IRX2: variants seen among roughly 807,000 people sequenced by gnomAD.
IRX2 encodes iroquois homeobox 2.
A neutral mutation model predicts 42.9 loss-of-function variants in IRX2; 26 were observed. The observed-to-expected ratio is 0.61, with a 90% CI of 0.44 to 0.84. IRX2 has a LOEUF of 0.84. IRX2 is among the 40% of genes least tolerant of loss of function. IRX2 has a pLI of 0.00. For missense variants in IRX2, 782 were observed against 713.9 expected (o/e 1.10, Z -1.09); for synonymous variants, 424 against 353.9 (o/e 1.20, Z -2.22).
chr5:2,749,024 C>G lies in IRX2; in HGVS notation c.684G>C (p.Thr228=). Residue 228 remains threonine (T), a synonymous_variant, in exon 3 of 4, where the codon ACG becomes ACC. Coordinates refer to ENST00000302057, the MANE Select transcript of IRX2 (RefSeq NM_033267.5). Reference sequence around the variant, plus strand: ...CCGACTCGGCCGAGCACGAGTGATCCGTGAGCGAGTCCACGTGCAGGCTGA... The same window carrying G: ...CCGACTCGGCCGAGCACGAGTGATCGGTGAGCGAGTCCACGTGCAGGCTGA... ...EGISLHVDSL[T]DHSCSAESDG... 1.3e-6 allele frequency: 2 copies of G among 1,597,132 alleles called. No homozygotes were observed. Among genetic ancestry groups the G allele is most frequent in the Non-Finnish European group, 8.5e-7 (1 of 1,179,242 alleles).
rs1157709801 is a variant in IRX2, at chr5:2,748,913, G to A, written c.795C>T (p.Asp265=). The change falls in exon 3 of 4, where the codon GAC becomes GAT. Residue 265 remains aspartate, a synonymous_variant. Transcript: ENST00000302057. ...ECKDKYDDLE[D]DEDDDEEGER... ...CGCCCTCCTCGTCGTCGTCCTCGTC[G>A]TCCTCCAGGTCGTCATACTTGTCCT... The A allele has an allele frequency of 5.0e-6, 8 of 1,595,778 alleles. No individual in the cohort carries two copies. The highest frequency in any genetic ancestry group is 2.2e-5 in the East Asian group (1 of 44,686).
At position 2,747,463 on chromosome 5, in the gene IRX2, G is replaced by T; in HGVS notation, c.*101C>A. ...GCTCTGTCTTCTAACCCCATGACCA[G>T]AAGCAAGAAAAACACATTAAGCAAG... is the stretch of plus-strand genomic sequence containing the variant. On this transcript the variant is annotated 3_prime_UTR_variant, in exon 4 of 4. Coordinates refer to ENST00000302057, the MANE Select transcript of IRX2 (RefSeq NM_033267.5). 1.0e-6 allele frequency: 1 copy of T among 975,418 alleles called. No individual in the cohort carries two copies. The highest frequency in any genetic ancestry group is 1.4e-5 in the South Asian group (1 of 69,258). The allele number at this position is 975,418 out of a possible 1,614,324, so 60.4% of individuals were successfully genotyped here.
At chr5:2,738,134 A>G in the IRX2 span, among the ~76,000 whole-genome samples, 1 of 152,246 alleles carries the variant, frequency 6.6e-6, no homozygotes, top group Non-Finnish European at 1.5e-5. Flanking sequence ...TAGCTCCTGC[A>G]AAGTCTGTTT....
chr5:2,737,808 G>A, the IRX2 span: 1 of 152,164 alleles, frequency 6.6e-6, no homozygotes, highest in Non-Finnish European at 1.5e-5. Flanking sequence ...AGCTTTCCTA[G>A]GCTTCAGAAC....
the IRX2 span, among the ~76,000 whole-genome samples, chr5:2,738,113 A>G: frequency 2.6e-5 from 4 of 152,218 alleles, no homozygotes; most frequent in African/African-American, 9.6e-5. Context: ...AATATAACTC[A>G]TTTGAGGGTC....
chr5:2,751,230 A>G lies in IRX2; in HGVS notation c.184T>C (p.Phe62Leu). The G allele has an allele frequency of 7.3e-7, 1 of 1,368,624 alleles. No homozygotes were observed. Among genetic ancestry groups the G allele is most frequent in the Non-Finnish European group, 9.4e-7 (1 of 1,061,294 alleles). 84.8% of individuals were successfully genotyped at this position (1,368,624 alleles called of 1,614,324 possible). A position where few individuals can be genotyped will look rare whatever the true frequency, so the allele number is the denominator to read the frequency against. The change falls in exon 1 of 4, where the codon TTC (phenylalanine) becomes CTC (leucine). Residue 62 changes from phenylalanine (F) to leucine (L), a missense_variant. By Grantham distance (22) the Phe-to-Leu change is conservative. Around this residue, in one of 3 missense-constraint regions of IRX2, gnomAD observed 256 missense variants for 250.0 expected, o/e 1.02. Coordinates refer to ENST00000302057, the MANE Select transcript of IRX2 (RefSeq NM_033267.5). The surrounding 1 kb of genome is among the most constrained non-coding windows in gnomAD (Gnocchi z 4.0). ...GCCGAGTACTGCAGCGGGCTCCCGA[A>G]GCCGGTGGCCGCCTGCGCCGTGAAG... Reference protein sequence around the residue: ...AAFTAQAATGFGSPLQYSADA... With the variant: ...AAFTAQAATGLGSPLQYSADA...
At position 2,748,907 on chromosome 5, in the gene IRX2, C is replaced by G. The variant is rs766887002; in HGVS notation, c.801G>C (p.Glu267Asp). ...KDKYDDLEDD[E>D]DDDEEGERGL... is the part of the protein sequence containing the mutation. ...CCCGCTCGCCCTCCTCGTCGTCGTC[C>G]TCGTCGTCCTCCAGGTCGTCATACT... Residue 267 changes from glutamate (E) to aspartate (D), a missense_variant, in exon 3 of 4, where the codon GAG becomes GAC. This residue lies in a region of IRX2 where 520 missense variants were observed against 437.8 expected (regional missense o/e 1.19). Coordinates refer to ENST00000302057, the MANE Select transcript of IRX2 (RefSeq NM_033267.5). 5 of 1,596,182 alleles carry G rather than the reference C, an allele frequency of 3.1e-6. No homozygotes were observed. The African/African-American group carries it at 5.4e-5, about 17-fold the overall frequency.
Position 2,747,489 on chromosome 5 carries a change from T to C in IRX2, c.*75A>G. ...AAGCAAGAAAAACACATTAAGCAAG[T>C]TGGTGCTGGGAGGCTCCACAGGGTC... On this transcript the variant is annotated 3_prime_UTR_variant, in exon 4 of 4. Transcript: ENST00000302057. 1 of 1,279,388 alleles carries C rather than the reference T, an allele frequency of 7.8e-7. No individual in the cohort carries two copies. Among genetic ancestry groups the C allele is most frequent in the Non-Finnish European group, 1.1e-6 (1 of 880,800 alleles). 79.3% of individuals were successfully genotyped at this position (1,279,388 alleles called of 1,614,324 possible).
At position 2,751,565 on chromosome 5, in the gene IRX2, G is replaced by C. The variant is rs1329914987; in HGVS notation, c.-152C>G. The C allele has an allele frequency of 3.3e-6, 1 of 305,110 alleles. No individual in the cohort carries two copies. The highest frequency in any genetic ancestry group is 2.3e-5 in the African/African-American group (1 of 43,242). 18.9% of individuals were successfully genotyped at this position (305,110 alleles called of 1,614,324 possible). A position where few individuals can be genotyped will look rare whatever the true frequency, so the allele number is the denominator to read the frequency against. ...GCCCGGGTACTAGCCTGGGCGGCCC[G>C]CGGGCCGGGGCGGCGGCGGGGTGGC... is the stretch of plus-strand genomic sequence containing the variant. On this transcript the variant is annotated 5_prime_UTR_variant, in exon 1 of 4. Transcript: ENST00000302057. The surrounding 1 kb of genome is among the most constrained non-coding windows in gnomAD (Gnocchi z 4.0).
At position 2,749,148 on chromosome 5, in the gene IRX2, C is replaced by A; in HGVS notation, c.656-96G>T. Reference sequence around the variant, plus strand: ...GTCCTGCGGCACTGGGCCCTCCCCACGGGACCCCTCACCTCGCCCCCACCC... The same window carrying A: ...GTCCTGCGGCACTGGGCCCTCCCCAAGGGACCCCTCACCTCGCCCCCACCC... On this transcript the variant is annotated intron_variant, in intron 2 of 3. Transcript: ENST00000302057. 2.7e-6 allele frequency: 4 copies of A among 1,508,214 alleles called. No homozygotes were observed. The South Asian group carries it at 3.7e-5, about 14-fold the overall frequency. 93.4% of individuals were successfully genotyped at this position (1,508,214 alleles called of 1,614,324 possible).
In IRX2 at chr5:2,747,360, G is replaced by T; in HGVS notation, c.*204C>A. ...CCTAGGTAAAGGAGTGATAGAACTT[G>T]TGCCAAAAAGAGGGAATCTATAAAA... On this transcript the variant is annotated 3_prime_UTR_variant, in exon 4 of 4. Transcript: ENST00000302057. 4.2e-6 allele frequency: 2 copies of T among 473,920 alleles called. No individual in the cohort carries two copies. Among genetic ancestry groups the T allele is most frequent in the Non-Finnish European group, 3.8e-6 (1 of 261,592 alleles). The allele number at this position is 473,920 out of a possible 1,614,324, so 29.4% of individuals were successfully genotyped here. A position where few individuals can be genotyped will look rare whatever the true frequency, so the allele number is the denominator to read the frequency against.
downstream of IRX2, among the ~76,000 whole-genome samples, chr5:2,741,921 CCTTTT>C (rs1374831023): frequency 6.6e-6 from 1 of 152,180 alleles, no homozygotes; most frequent in Non-Finnish European, 1.5e-5. Context: ...CTTCCTCTTT[CCTTTT>C]ATCTGGGATT....
chr5:2,739,881 G>A, the IRX2 span, among the ~76,000 whole-genome samples: 1 of 152,162 alleles, frequency 6.6e-6, no homozygotes, highest in Admixed American at 6.5e-5. Flanking sequence ...GGAGGAACCC[G>A]ATGGGTCCCG....
downstream of IRX2, among the ~76,000 whole-genome samples, chr5:2,743,798 T>C (rs1737598381): frequency 6.6e-6 from 1 of 152,244 alleles, no homozygotes. Flanking sequence ...TCTTTTCCAA[T>C]GACCAGCATG....
At chr5:2,742,790 A>C (rs1030250744), downstream of IRX2, among the ~76,000 whole-genome samples, 1 of 152,154 alleles carries the variant, frequency 6.6e-6, no homozygotes, top group Non-Finnish European at 1.5e-5. Context: ...TGGACCACAA[A>C]TTTGTTTGGA....
At chr5:2,743,608 G>C (rs1199173229), downstream of IRX2, among the ~76,000 whole-genome samples, 1 of 151,302 alleles carries the variant, frequency 6.6e-6, no homozygotes, top group Non-Finnish European at 1.5e-5. Flanking sequence ...ATCTGCTCCT[G>C]GTCGCCCCGT....
chr5:2,738,271 G>A, the IRX2 span, among the ~76,000 whole-genome samples: 1 of 152,196 alleles, frequency 6.6e-6, no homozygotes, highest in Admixed American at 6.5e-5. Context: ...TCACAGGCCT[G>A]CCTGGAAGAA....
At chr5:2,741,388 A>AG (rs1467619223), downstream of IRX2, among the ~76,000 whole-genome samples, 1 of 145,728 alleles carries the variant, frequency 6.9e-6, no homozygotes, top group Non-Finnish European at 1.6e-5. Context: ...TATTTATAGC[A>AG]GGAAAAAAAA....
chr5:2,751,222 G>A lies in IRX2; in HGVS notation c.192C>T (p.Ser64=). 1 of 1,357,360 alleles carries A rather than the reference G, an allele frequency of 7.4e-7. No individual in the cohort carries two copies. The highest frequency in any genetic ancestry group is 3.3e-5 in the East Asian group (1 of 30,538). 84.1% of individuals were successfully genotyped at this position (1,357,360 alleles called of 1,614,324 possible). A position where few individuals can be genotyped will look rare whatever the true frequency, so the allele number is the denominator to read the frequency against. The change falls in exon 1 of 4, where the codon AGC becomes AGT. Residue 64 remains serine (S), a synonymous_variant. Transcript: ENST00000302057. This position sits in a 1 kb window ranked among gnomAD's most constrained non-coding sequence, Gnocchi z 4.0. ...CGGCGTCGGCCGAGTACTGCAGCGG[G>A]CTCCCGAAGCCGGTGGCCGCCTGCG... ...FTAQAATGFG[S]PLQYSADAAA...
Sources: gnomAD v4.1 joint callset for allele counts (sites outside exome capture counted in the v4.1 genomes callset) on GRCh38, gnomAD v4.1.1 for gene constraint, gnomAD v4.1.1 regional missense constraint, Gnocchi (gnomAD v3.1) non-coding constraint, MANE v1.5 for transcripts, NCBI Gene and HGNC (gene_info 2026-07-23, HGNC 2026-07-21) for gene names.